Variants in ARHGEF26 observed in about 807,000 individuals in gnomAD.
ARHGEF26 encodes the protein Rho guanine nucleotide exchange factor (GEF) 26.
Under a neutral mutation model 89.4 loss-of-function variants are expected in ARHGEF26, and 59 were observed. That is an observed-to-expected ratio of 0.66 (90% CI 0.54 to 0.82). ARHGEF26 has a LOEUF of 0.82. Among genes scored for constraint, ARHGEF26 ranks in the 40% least tolerant of loss-of-function variants. ARHGEF26 has a pLI of 0.00. For missense variants in ARHGEF26, 1,234 were observed against 1,085.6 expected, an observed-to-expected ratio of 1.14 and a Z score of -1.92; for synonymous variants, 500 against 428.4, an observed-to-expected ratio of 1.17 and a Z score of -2.06.
intron 5 of ARHGEF26, among the ~76,000 whole-genome samples, chr3:154,149,707 G>T (rs889893877): frequency 4.6e-5 from 7 of 152,004 alleles, no homozygotes; most frequent in African/African-American, 1.7e-4. Flanking sequence ...TAAACTGAGA[G>T]AAATATGATA....
At chr3:154,160,184 C>T (rs993070078) in intron 6 of ARHGEF26, among the ~76,000 whole-genome samples, 1 of 152,140 alleles carries the variant, frequency 6.6e-6, no homozygotes, top group African/African-American at 2.4e-5. Context: ...ATTTGAAATT[C>T]ACCCGAAGTA....
In ARHGEF26 at chr3:154,122,543, C is replaced by T; in HGVS notation, c.551C>T (p.Ser184Phe). 1 of 1,613,584 alleles carries T rather than the reference C, an allele frequency of 6.2e-7. No homozygotes were observed. The change falls in exon 2 of 15, where the codon TCT becomes TTT. Residue 184 changes from serine to phenylalanine, a missense_variant. Coordinates refer to ENST00000465093, the MANE Select transcript of ARHGEF26 (RefSeq NM_015595.4). ...AATGGCCTTGCCGCTAATAACGACTCTCCTGGGTCAGGTTCGCAGTCCGGC... is the reference window on the plus strand; with the variant it reads ...AATGGCCTTGCCGCTAATAACGACTTTCCTGGGTCAGGTTCGCAGTCCGGC... ...TANGLAANND[S>F]PGSGSQSGRK...
chr3:154,168,314 C>T (rs1257115691), intron 6 of ARHGEF26, among the ~76,000 whole-genome samples: 2 of 152,016 alleles, frequency 1.3e-5, no homozygotes, highest in East Asian at 1.9e-4. Context: ...CGTTGGCTCA[C>T]GTCTATAATC....
At position 154,215,661 on chromosome 3, in the gene ARHGEF26, C is replaced by T. The variant is rs559925818; in HGVS notation, c.1846-2208C>T. Among the ~76,000 whole-genome samples, 80 of 152,244 alleles carry T rather than the reference C, an allele frequency of 5.3e-4. 1 individual carries two copies. The highest frequency in any genetic ancestry group is 8.3e-4 in the South Asian group (4 of 4,814). ...AAGATATAGGCAGAACCAGTGTTTG[C>T]TGAAGGCTGGTTTCCCGGTTTGCAG... is the stretch of plus-strand genomic sequence containing the variant. On this transcript the variant is annotated intron_variant, in intron 9 of 14. Transcript: ENST00000465093.
At chr3:154,240,905 A>C (rs1264848127) in intron 12 of ARHGEF26, among the ~76,000 whole-genome samples, 2 of 152,114 alleles carry the variant, frequency 1.3e-5, no homozygotes, top group Non-Finnish European at 2.9e-5. Flanking sequence ...ATCCTTAAGG[A>C]ATATGACTCA....
At position 154,240,522 on chromosome 3, in the gene ARHGEF26, C is replaced by T. The variant is rs1294241019; in HGVS notation, c.2243C>T (p.Thr748Ile). ...QSSASHLFTL[T>I]VLSNHANEKV... Reference sequence around the variant, plus strand: ...TCTGCCAGTCACCTCTTTACTCTGACAGTCCTTAGTAACCACGCGAATGAG... The same window carrying T: ...TCTGCCAGTCACCTCTTTACTCTGATAGTCCTTAGTAACCACGCGAATGAG... The change falls in exon 12 of 15, where the codon ACA becomes ATA. Residue 748 changes from threonine (T) to isoleucine (I), a missense_variant. Transcript: ENST00000465093. 1 of 1,613,224 alleles carries T rather than the reference C, an allele frequency of 6.2e-7. No homozygotes were observed. Among genetic ancestry groups the T allele is most frequent in the Admixed American group, 1.7e-5 (1 of 59,904 alleles).
At chr3:154,222,459 C>T (rs1716193342) in intron 10 of ARHGEF26, among the ~76,000 whole-genome samples, 1 of 152,162 alleles carries the variant, frequency 6.6e-6, no homozygotes, top group Non-Finnish European at 1.5e-5. Flanking sequence ...AGCTGTACAA[C>T]CTTGGGCATC....
chr3:154,211,447 T>G (rs1237782865), intron 9 of ARHGEF26, among the ~76,000 whole-genome samples: 1 of 151,706 alleles, frequency 6.6e-6, no homozygotes, highest in Non-Finnish European at 1.5e-5. Context: ...TGTGTCACAA[T>G]TGCTGTGTTT....
At chr3:154,167,262 A>G (rs993938795) in intron 6 of ARHGEF26, among the ~76,000 whole-genome samples, 2 of 152,206 alleles carry the variant, frequency 1.3e-5, no homozygotes, top group African/African-American at 4.8e-5. Context: ...GGCATTGGAA[A>G]TGTAACAGTA....
rs1354060278 is a variant in ARHGEF26 at position 154,256,892 on chromosome 3, T to TAATA, written c.*1420_*1423dup. 7.8e-6 allele frequency: 12 copies of TAATA among 1,534,758 alleles called. No individual in the cohort carries two copies. The highest frequency in any genetic ancestry group is 1.0e-5 in the Non-Finnish European group (12 of 1,146,652). On this transcript the variant is annotated 3_prime_UTR_variant, in exon 15 of 15. Transcript: ENST00000465093. ...GTGCACAGAGAGAGAAAGGTTATCT[T>TAATA]AATAGTCGGTTTCATGGAGATGAAG... is the stretch of plus-strand genomic sequence containing the variant.
At position 154,255,248 on chromosome 3, in the gene ARHGEF26, T is replaced by C. The variant is rs1290018556; in HGVS notation, c.2474-83T>C. 2.1e-6 allele frequency: 3 copies of C among 1,435,068 alleles called. No homozygotes were observed. In the East Asian group the frequency reaches 6.8e-5, roughly 33 times the overall value. The allele number at this position is 1,435,068 out of a possible 1,614,324, so 88.9% of individuals were successfully genotyped here. On this transcript the variant is annotated intron_variant, in intron 14 of 14. Transcript: ENST00000465093. ...TAGCACTTAGCCTGGGGAGGGATGC[T>C]GCCTCTCAGCTTTTTCATATCCTTG...
At chr3:154,170,587 C>T (rs1712368611) in intron 6 of ARHGEF26, among the ~76,000 whole-genome samples, 1 of 152,168 alleles carries the variant, frequency 6.6e-6, no homozygotes, top group African/African-American at 2.4e-5. Context: ...TCCTGTGTGA[C>T]CTTGAGCAAA....
intron 11 of ARHGEF26, among the ~76,000 whole-genome samples, chr3:154,235,336 TGTGGGTTTTGTCATAAA>T (rs1384495099): frequency 6.6e-6 from 1 of 152,094 alleles, no homozygotes; most frequent in African/African-American, 2.4e-5. Flanking sequence ...TTAAGGGTTT[TGTGGGTTTTGTCATAAA>T]GTGGGTTTTG....
intron 6 of ARHGEF26, among the ~76,000 whole-genome samples, chr3:154,153,706 A>G (rs1720158893): frequency 6.6e-6 from 1 of 152,038 alleles, no homozygotes; most frequent in South Asian, 2.1e-4. Context: ...GCCACCTGAA[A>G]CACAACCAGA....
intron 11 of ARHGEF26, among the ~76,000 whole-genome samples, chr3:154,229,505 T>C (rs1716705364): frequency 6.6e-6 from 1 of 152,218 alleles, no homozygotes; most frequent in Non-Finnish European, 1.5e-5. Context: ...AACACTTTGG[T>C]ATTTGAAGCT....
At chr3:154,170,381 G>GA (rs1391949384) in intron 6 of ARHGEF26, among the ~76,000 whole-genome samples, 1 of 151,944 alleles carries the variant, frequency 6.6e-6, no homozygotes, top group East Asian at 1.9e-4. Flanking sequence ...GAAAAGAAAA[G>GA]AAAAAACAAA....
chr3:154,247,373 T>C (rs1045023381), intron 12 of ARHGEF26, among the ~76,000 whole-genome samples: 2 of 152,206 alleles, frequency 1.3e-5, no homozygotes, highest in Non-Finnish European at 2.9e-5. Context: ...ACCTGCCAGT[T>C]CTTCCTGTGT....
intron 9 of ARHGEF26, among the ~76,000 whole-genome samples, chr3:154,196,249 G>A (rs1227331312): frequency 6.6e-6 from 1 of 151,978 alleles, no homozygotes. Context: ...GTGAGAGAGG[G>A]TCTTCGTTAG....
At chr3:154,182,927 C>A (rs1245234611) in intron 6 of ARHGEF26, among the ~76,000 whole-genome samples, 5 of 152,072 alleles carry the variant, frequency 3.3e-5, no homozygotes. Flanking sequence ...AATAAAGCAA[C>A]CACAAAAGAC....
Sources: allele counts gnomAD v4.1 joint callset (sites outside exome capture counted in the v4.1 genomes callset), GRCh38; gene constraint gnomAD v4.1.1; transcripts MANE v1.5; gene names NCBI Gene and HGNC (gene_info 2026-07-23, HGNC 2026-07-21).